The following ABI3BP variants were observed in gnomAD, a reference collection of about 807,000 sequenced individuals.
ABI3BP encodes the protein target of Nesh-SH3.
A neutral mutation model predicts 268.6 loss-of-function variants in ABI3BP; 216 were observed. The observed-to-expected ratio is 0.80, with a 90% CI of 0.72 to 0.90. The LOEUF is 0.90. ABI3BP is among the 40% of genes least tolerant of loss of function. The pLI, the probability that ABI3BP is intolerant of heterozygous loss-of-function variation, is 0.00. For synonymous variants in ABI3BP, 730 were observed against 730.0 expected, an observed-to-expected ratio of 1.00 and a Z score of 0.00; for missense variants, 2,090 against 2,182.4, an observed-to-expected ratio of 0.96 and a Z score of 0.84.
At chr3:100,890,468 C>CTTCCTTA (rs778294665) in intron 4 of ABI3BP, among the ~76,000 whole-genome samples, 57 of 152,250 alleles carry the variant, frequency 3.7e-4, no homozygotes, top group South Asian at 1.9e-3. Flanking sequence ...TTGTATTCCA[C>CTTCCTTA]TTCCTTATTC....
chr3:100,788,372 T>C (rs187920103), intron 56 of ABI3BP, among the ~76,000 whole-genome samples: 4 of 152,226 alleles, frequency 2.6e-5, no homozygotes, highest in African/African-American at 9.6e-5. Flanking sequence ...GTGATCTATT[T>C]TATAACCCAT....
intron 65 of ABI3BP, 120 bp downstream of exon 65, chr3:100,753,699 T>G: frequency 1.9e-6 from 2 of 1,037,022 alleles, no homozygotes; most frequent in East Asian, 2.6e-5. Context: ...CACAACTGTT[T>G]GGTGTTATAA....
At chr3:100,767,685 C>T (rs2096345074) in intron 62 of ABI3BP, among the ~76,000 whole-genome samples, 1 of 151,840 alleles carries the variant, frequency 6.6e-6, no homozygotes, top group Non-Finnish European at 1.5e-5. Flanking sequence ...TCCTCCCATC[C>T]GTGGAAGGTT....
At chr3:100,875,628 G>A in intron 7 of ABI3BP, 49 bp from the exon 8 acceptor site, 1 of 1,335,122 alleles carries the variant, frequency 7.5e-7, no homozygotes, top group Non-Finnish European at 1.1e-6. Context: ...ATAGGAGGCA[G>A]TAAGAAGCTA....
chr3:100,773,587 C>T (rs2096616542), intron 61 of ABI3BP, among the ~76,000 whole-genome samples: 1 of 152,182 alleles, frequency 6.6e-6, no homozygotes, highest in Non-Finnish European at 1.5e-5. Flanking sequence ...GTAGCCACCC[C>T]TTCCTAGGTA....
rs1190010764 is a variant in ABI3BP at position 100,885,709 on chromosome 3, C to T, written c.644-121G>A. 8.7e-6 allele frequency: 5 copies of T among 572,476 alleles called. No homozygotes were observed. The African/African-American group carries it at 9.6e-5, about 11-fold the overall frequency. The allele number at this position is 572,476 out of a possible 1,614,324, so 35.5% of individuals were successfully genotyped here. On this transcript the variant is annotated intron_variant, in intron 5 of 67. Transcript: ENST00000471714. ...TAACTTGGATGTATAATTTTAATCA[C>T]TATCATTTTAAACACTGATGCCAAT...
intron 2 of ABI3BP, among the ~76,000 whole-genome samples, chr3:100,909,878 G>A (rs1364882808): frequency 6.6e-6 from 1 of 152,164 alleles, no homozygotes; most frequent in Non-Finnish European, 1.5e-5. Flanking sequence ...CAAGGATCTA[G>A]AACTAGAAAT....
intron 9 of ABI3BP, 51 bp from the exon 10 acceptor site, chr3:100,867,007 A>G: frequency 1.4e-6 from 2 of 1,406,348 alleles, no homozygotes; most frequent in Non-Finnish European, 2.0e-6. Flanking sequence ...GTCCAAAAAT[A>G]CCTCCCTCAA....
chr3:100,899,039 T>G (rs1235610289), intron 3 of ABI3BP, 145 bp from the exon 4 acceptor site: 3 of 919,826 alleles, frequency 3.3e-6, no homozygotes, highest in Non-Finnish European at 4.9e-6. Flanking sequence ...GTCCACATTA[T>G]TACTAATTTT....
At chr3:100,987,815 T>C (rs1057429359) in intron 1 of ABI3BP, among the ~76,000 whole-genome samples, 3 of 152,214 alleles carry the variant, frequency 2.0e-5, no homozygotes, top group African/African-American at 7.2e-5. Context: ...AACACAGCAT[T>C]AAACACCATT....
In ABI3BP at chr3:100,864,927, A is replaced by G; in HGVS notation, c.989-20T>C. On this transcript the variant is annotated intron_variant, in intron 10 of 67. Coordinates refer to ENST00000471714, the MANE Select transcript of ABI3BP (RefSeq NM_001375547.2). ...GAGTCACTGAAAGGTAAAAAGCACAACTTTACAAATTAAGATAAAGTGAAG... is the reference window on the plus strand; with the variant it reads ...GAGTCACTGAAAGGTAAAAAGCACAGCTTTACAAATTAAGATAAAGTGAAG... 6.3e-7 allele frequency: 1 copy of G among 1,581,768 alleles called. No individual in the cohort carries two copies. Among genetic ancestry groups the G allele is most frequent in the Non-Finnish European group, 8.6e-7 (1 of 1,161,120 alleles).
At chr3:100,858,577 G>A (rs2098963566) in intron 14 of ABI3BP, among the ~76,000 whole-genome samples, 2 of 152,324 alleles carry the variant, frequency 1.3e-5, no homozygotes, top group South Asian at 4.1e-4. Context: ...TACAGAATAT[G>A]TTGAAAACAG....
chr3:100,890,238 C>T (rs1045907573), intron 4 of ABI3BP, among the ~76,000 whole-genome samples: 1 of 152,162 alleles, frequency 6.6e-6, no homozygotes, highest in African/African-American at 2.4e-5. Flanking sequence ...CCTAAAACAT[C>T]TATTTCCCAC....
chr3:100,768,377 T>C (rs2096405080), intron 62 of ABI3BP, among the ~76,000 whole-genome samples: 1 of 152,210 alleles, frequency 6.6e-6, no homozygotes, highest in Non-Finnish European at 1.5e-5. Flanking sequence ...CGTGAGCCAC[T>C]GAGCCCGGCC....
intron 1 of ABI3BP, among the ~76,000 whole-genome samples, chr3:100,990,441 C>T (rs1189126121): frequency 1.3e-5 from 2 of 151,848 alleles, no homozygotes; most frequent in Admixed American, 6.6e-5. Context: ...TTAATAGTCT[C>T]CAAGCTTTTA....
At position 100,842,062 on chromosome 3, in the gene ABI3BP, C is replaced by T. The variant is rs200032553; in HGVS notation, c.1724-23G>A. ...GGGCTGTAATAAAAGCAAGTAATAT[C>T]AAAAGCAATGCTGAAGAGCACCATC... On this transcript the variant is annotated intron_variant, in intron 20 of 67. Transcript: ENST00000471714. 884 of 1,526,724 alleles carry T rather than the reference C, an allele frequency of 5.8e-4. 2 individuals carry two copies. The Middle Eastern group carries it at 0.01, about 18-fold the overall frequency. The allele number at this position is 1,526,724 out of a possible 1,614,324, so 94.6% of individuals were successfully genotyped here. A position where few individuals can be genotyped will look rare whatever the true frequency, so the allele number is the denominator to read the frequency against.
chr3:100,801,635 A>G lies in ABI3BP; in HGVS notation c.3757+3157T>C, dbSNP rs2097540092. Among the ~76,000 whole-genome samples the G allele has an allele frequency of 3.9e-5, 6 of 152,140 alleles. No homozygotes were observed. The South Asian group carries it at 1.2e-3, about 31-fold the overall frequency. On this transcript the variant is annotated intron_variant, in intron 51 of 67. Transcript: ENST00000471714. ...CTGAAAACTCCTGATTTGAATTCTCATATTTGAGAAGACATCCATCTTGCC... is the reference window on the plus strand; with the variant it reads ...CTGAAAACTCCTGATTTGAATTCTCGTATTTGAGAAGACATCCATCTTGCC...
intron 4 of ABI3BP, among the ~76,000 whole-genome samples, chr3:100,897,798 AT>A (rs1219089065): frequency 6.6e-6 from 1 of 152,202 alleles, no homozygotes; most frequent in East Asian, 1.9e-4. Flanking sequence ...AATGTTTTTT[AT>A]TCAAAAAGGA....
At chr3:100,922,935 C>T (rs2060727571) in intron 2 of ABI3BP, among the ~76,000 whole-genome samples, 1 of 152,074 alleles carries the variant, frequency 6.6e-6, no homozygotes, top group Admixed American at 6.6e-5. Flanking sequence ...CCAATTTAAA[C>T]AACCAAAAAA....
Sources: gnomAD v4.1 joint callset for allele counts (sites outside exome capture counted in the v4.1 genomes callset) on GRCh38, gnomAD v4.1.1 for gene constraint, MANE v1.5 for transcripts, NCBI Gene and HGNC (gene_info 2026-07-23, HGNC 2026-07-21) for gene names.